The following PRKN variants were observed in gnomAD, a reference collection of about 807,000 sequenced individuals.
PRKN encodes the protein parkin RBR E3 ubiquitin protein ligase.
A neutral mutation model predicts 59.5 loss-of-function variants in PRKN; 56 were observed. That is an observed-to-expected ratio of 0.94 (90% CI 0.76 to 1.18). The LOEUF (loss-of-function observed/expected upper bound fraction) is 1.18, where lower values mean the gene tolerates loss of function less well. PRKN is among the 50% of genes most tolerant of loss of function. The probability of loss-of-function intolerance (pLI) is 0.00; values close to 1 mark genes in which losing one functional copy is unlikely to be tolerated. For synonymous variants in PRKN, 250 were observed against 222.1 expected (o/e 1.13, Z -1.12); for missense variants, 657 against 596.4 (o/e 1.10, Z -1.06).
intron 1 of PRKN, among the ~76,000 whole-genome samples, chr6:162,523,031 C>T (rs1318474859): frequency 6.6e-6 from 1 of 152,186 alleles, no homozygotes; most frequent in African/African-American, 2.4e-5. Context: ...TGGCTCATGC[C>T]TTCCTGATAC....
intron 1 of PRKN, among the ~76,000 whole-genome samples, chr6:162,652,842 G>A (rs962998563): frequency 1.3e-5 from 2 of 151,930 alleles, no homozygotes; most frequent in South Asian, 2.1e-4. Context: ...CTAACCCCCC[G>A]ATAAGATTTA....
chr6:162,700,624 A>C (rs574949506), intron 1 of PRKN, among the ~76,000 whole-genome samples: 1 of 152,178 alleles, frequency 6.6e-6, no homozygotes, highest in East Asian at 1.9e-4. Flanking sequence ...CTAACCAATA[A>C]TAGGTATTAA....
chr6:162,674,128 TTGAC>T (rs1779446830), intron 1 of PRKN, among the ~76,000 whole-genome samples: 1 of 152,218 alleles, frequency 6.6e-6, no homozygotes, highest in Non-Finnish European at 1.5e-5. Context: ...CATTACAGCT[TTGAC>T]TGTATGCAAA....
intron 2 of PRKN, among the ~76,000 whole-genome samples, chr6:162,330,714 C>T (rs1200546116): frequency 6.6e-6 from 1 of 152,198 alleles, no homozygotes; most frequent in Non-Finnish European, 1.5e-5. Context: ...AAGTGAAGTT[C>T]TGGAAGTTAC....
At chr6:162,625,913 CAAGA>C (rs1372210490) in intron 1 of PRKN, among the ~76,000 whole-genome samples, 1 of 152,106 alleles carries the variant, frequency 6.6e-6, no homozygotes, top group Non-Finnish European at 1.5e-5. Flanking sequence ...CATGAATTTG[CAAGA>C]AAGACTTCAG....
chr6:161,718,277 C>T (rs998152641), intron 7 of PRKN, among the ~76,000 whole-genome samples: 1 of 152,064 alleles, frequency 6.6e-6, no homozygotes, highest in Admixed American at 6.5e-5. Context: ...CAAGAGGCAC[C>T]TCAAACCCTG....
At chr6:162,633,692 T>C (rs965210172) in intron 1 of PRKN, among the ~76,000 whole-genome samples, 1 of 151,744 alleles carries the variant, frequency 6.6e-6, no homozygotes, top group South Asian at 2.1e-4. Flanking sequence ...CCCAGAACAG[T>C]CTCTTTCCGT....
intron 1 of PRKN, among the ~76,000 whole-genome samples, chr6:162,547,857 T>C (rs1249587174): frequency 3.3e-5 from 5 of 152,136 alleles, no homozygotes; most frequent in East Asian, 3.9e-4. Flanking sequence ...GCTGGGATTA[T>C]AGGCATGAGC....
rs1782121102 is a variant in PRKN at position 162,304,471 on chromosome 6, A to C, written c.172-41706T>G. On this transcript the variant is annotated intron_variant, in intron 2 of 11. Transcript: ENST00000366898. ...AAAACTTTCCATATAACTAAAATGT[A>C]ATGCTTGACTCATCCAGTTCTATCT... Among the ~76,000 whole-genome samples the C allele has an allele frequency of 1.3e-5, 2 of 150,608 alleles. 1 individual carries two copies. The highest frequency in any genetic ancestry group is 4.1e-4 in the South Asian group (2 of 4,822).
At chr6:162,446,290 TA>T (rs1301206851) in intron 1 of PRKN, among the ~76,000 whole-genome samples, 1 of 152,102 alleles carries the variant, frequency 6.6e-6, no homozygotes, top group East Asian at 1.9e-4. Context: ...AGATTTAAAG[TA>T]AAACACCATA....
intron 4 of PRKN, among the ~76,000 whole-genome samples, chr6:162,070,102 A>G (rs1778511552): frequency 6.6e-6 from 1 of 152,222 alleles, no homozygotes; most frequent in Non-Finnish European, 1.5e-5. Context: ...GCTCTGAGCC[A>G]CACATGGATT....
At chr6:162,382,863 C>T (rs888866002) in intron 2 of PRKN, among the ~76,000 whole-genome samples, 21 of 152,180 alleles carry the variant, frequency 1.4e-4, no homozygotes, top group African/African-American at 4.3e-4. Flanking sequence ...TATCTAAATC[C>T]TTGGATGTCA....
At position 162,179,998 on chromosome 6, in the gene PRKN, GTGTGTGTGTA is replaced by G. The variant is rs1297894547; in HGVS notation, c.534+21123_534+21132del. 1.7e-3 allele frequency among the ~76,000 whole-genome samples: 249 copies of G among 150,336 alleles called. 11 individuals are homozygous for G. In the South Asian group the frequency reaches 0.05, roughly 30 times the overall value. ...TGTGTGTGTGTGTGTGTGTGTGTGT[GTGTGTGTGTA>G]TGTGTGTAGCAAAGTCTACATCCTA... is the stretch of plus-strand genomic sequence containing the variant. On this transcript the variant is annotated intron_variant, in intron 4 of 11. Coordinates refer to ENST00000366898, the MANE Select transcript of PRKN (RefSeq NM_004562.3).
intron 1 of PRKN, among the ~76,000 whole-genome samples, chr6:162,521,780 A>G (rs1778087552): frequency 6.6e-6 from 1 of 152,166 alleles, no homozygotes; most frequent in Non-Finnish European, 1.5e-5. Flanking sequence ...GTTTAAGCAC[A>G]AAATATTATA....
intron 5 of PRKN, among the ~76,000 whole-genome samples, chr6:162,000,260 C>G (rs1250144365): frequency 1.3e-5 from 2 of 152,106 alleles, no homozygotes; most frequent in Non-Finnish European, 2.9e-5. Context: ...GCGTTCCCAT[C>G]AGTAATGAAT....
At chr6:161,521,300 T>C (rs561231954) in intron 9 of PRKN, among the ~76,000 whole-genome samples, 1 of 152,222 alleles carries the variant, frequency 6.6e-6, no homozygotes, top group Non-Finnish European at 1.5e-5. Flanking sequence ...GAATTACATA[T>C]TTTTCATTTC....
intron 5 of PRKN, among the ~76,000 whole-genome samples, chr6:162,034,416 G>A (rs553947599): frequency 5.3e-5 from 8 of 152,202 alleles, no homozygotes; most frequent in Non-Finnish European, 7.4e-5. Context: ...ATGCCTTTAA[G>A]GCTATACTGT....
At chr6:162,113,192 C>A (rs1780516356) in intron 4 of PRKN, among the ~76,000 whole-genome samples, 1 of 152,280 alleles carries the variant, frequency 6.6e-6, no homozygotes, top group African/African-American at 2.4e-5. Flanking sequence ...AATATCATGT[C>A]TTTGCTGAGC....
At chr6:162,256,760 G>A (rs982219327) in intron 3 of PRKN, among the ~76,000 whole-genome samples, 2 of 152,160 alleles carry the variant, frequency 1.3e-5, no homozygotes, top group African/African-American at 2.4e-5. Context: ...GTCGTTAGAA[G>A]AGCACACTGT....
Sources: gnomAD v4.1 joint callset for allele counts (sites outside exome capture counted in the v4.1 genomes callset) on GRCh38, gnomAD v4.1.1 for gene constraint, MANE v1.5 for transcripts, NCBI Gene and HGNC (gene_info 2026-07-23, HGNC 2026-07-21) for gene names.